Variants in TCTN1 observed in about 807,000 individuals in gnomAD.
TCTN1 encodes tectonic family member 1.
Under a neutral mutation model 65.8 loss-of-function variants are expected in TCTN1, and 58 were observed. The ratio of observed to expected loss-of-function variants is 0.88; its 90% CI spans 0.71 to 1.10. TCTN1 has a LOEUF of 1.10. TCTN1 is among the 50% of genes least tolerant of loss of function. TCTN1 has a pLI of 0.00. For missense variants in TCTN1, 645 were observed against 719.4 expected (o/e 0.90, Z 1.18); for synonymous variants, 273 against 289.1 (o/e 0.94, Z 0.57).
intron 2 of TCTN1, among the ~76,000 whole-genome samples, chr12:110,623,295 C>A (rs1230288459): frequency 6.6e-6 from 1 of 152,184 alleles, no homozygotes; most frequent in Non-Finnish European, 1.5e-5. Context: ...CCAGCCTTGG[C>A]CATTGCCGTT....
chr12:110,633,718 A>G (rs533677144), intron 5 of TCTN1, among the ~76,000 whole-genome samples: 3 of 152,116 alleles, frequency 2.0e-5, no homozygotes, highest in East Asian at 1.9e-4. Context: ...CTGAGATACC[A>G]TTTTCCCCTG....
chr12:110,627,696 C>G (rs2135993251), intron 3 of TCTN1: 8 of 432,356 alleles, frequency 1.9e-5, no homozygotes, highest in East Asian at 3.5e-5. Flanking sequence ...CCTGTGGTTT[C>G]TATTTCCTTT....
intron 7 of TCTN1, among the ~76,000 whole-genome samples, chr12:110,637,000 GGT>G (rs1461723631): frequency 1.3e-5 from 2 of 152,176 alleles, no homozygotes; most frequent in Non-Finnish European, 2.9e-5. Flanking sequence ...ACTTGATTGT[GGT>G]CAGGATGTCA....
chr12:110,648,024 T>C, intron 14 of TCTN1, 131 bp downstream of exon 14: 2 of 1,367,280 alleles, frequency 1.5e-6, no homozygotes, highest in Non-Finnish European at 2.0e-6. Flanking sequence ...CAGGCTGGAG[T>C]GCAGTGGTGT....
At chr12:110,642,484 G>C (rs1021729424) in intron 11 of TCTN1, 95 bp downstream of exon 11, 31 of 1,563,918 alleles carry the variant, frequency 2.0e-5, no homozygotes, top group Non-Finnish European at 2.7e-5. Flanking sequence ...TGCATCAGCT[G>C]ATGAGCTCAC....
At chr12:110,619,993 T>A (rs1226276527) in intron 2 of TCTN1, 37 bp downstream of exon 2, 9 of 1,614,034 alleles carry the variant, frequency 5.6e-6, no homozygotes, top group Non-Finnish European at 6.8e-6. Context: ...TTTGAAAAAA[T>A]TTGACCAGGA....
intron 11 of TCTN1, chr12:110,643,537 A>T (rs1426710213): frequency 6.6e-6 from 1 of 151,976 alleles, no homozygotes; most frequent in Non-Finnish European, 1.5e-5. Context: ...TTTTGGTTTT[A>T]TGAATTTTTT....
Position 110,639,971 on chromosome 12 carries a change from A to C in TCTN1, c.844-412A>C, listed in dbSNP as rs1273675179. Among the ~76,000 whole-genome samples, 1 of 152,146 alleles carries C rather than the reference A, an allele frequency of 6.6e-6. No homozygotes were observed. The highest frequency in any genetic ancestry group is 2.4e-5 in the African/African-American group (1 of 41,448). On this transcript the variant is annotated intron_variant, in intron 7 of 14. Coordinates refer to ENST00000397659, the MANE Select transcript of TCTN1 (RefSeq NM_001082538.3). The surrounding 1 kb of genome is among the most constrained non-coding windows in gnomAD (Gnocchi z 4.9). The stretch of plus-strand genomic sequence containing the variant: ...ATGACTTAGCATGTTTTTAAGATTC[A>C]TCTGTACTGTGGCATGTATTAGTAC...
intron 1 of TCTN1, among the ~76,000 whole-genome samples, chr12:110,618,304 G>A (rs915217079): frequency 2.0e-5 from 3 of 151,808 alleles, no homozygotes; most frequent in East Asian, 1.9e-4. Context: ...GCAGTGACGC[G>A]ATCTCGGCTC....
chr12:110,626,383 T>C lies in TCTN1; in HGVS notation c.363T>C (p.Ser121=), dbSNP rs368455886. ...PVVTGDSQFC[S]QKAVIYSLNF... Reference sequence around the variant, plus strand: ...TCAGGGGCGACAGCCAGTTTTGTAGTCAAAAAGCAGTCATCTATTCATTGA... The same window carrying C: ...TCAGGGGCGACAGCCAGTTTTGTAGCCAAAAAGCAGTCATCTATTCATTGA... Residue 121 remains serine (S), a synonymous_variant, in exon 3 of 15, where the codon AGT becomes AGC. Coordinates refer to ENST00000397659, the MANE Select transcript of TCTN1 (RefSeq NM_001082538.3). The C allele has an allele frequency of 1.3e-5, 20 of 1,592,506 alleles. No homozygotes were observed. The highest frequency in any genetic ancestry group is 1.7e-4 in the Middle Eastern group (1 of 6,026).
intron 4 of TCTN1, among the ~76,000 whole-genome samples, chr12:110,631,464 T>C (rs2066231356): frequency 2.0e-5 from 3 of 151,952 alleles, no homozygotes; most frequent in African/African-American, 4.8e-5. Context: ...TGAAACCCCA[T>C]GTCTACTAAA....
At chr12:110,636,417 A>T in intron 6 of TCTN1, 64 bp from the exon 7 acceptor site, 4 of 1,118,454 alleles carry the variant, frequency 3.6e-6, no homozygotes, top group Non-Finnish European at 5.4e-6. Context: ...AGATCTGAAA[A>T]AGCAATGAAA....
chr12:110,648,973 A>G (rs2067637664), intron 14 of TCTN1, 70 bp from the exon 15 acceptor site: 3 of 443,806 alleles, frequency 6.8e-6, no homozygotes, highest in African/African-American at 6.2e-5. Flanking sequence ...GCTATTTAGA[A>G]CAGCTTGAAA....
rs745980562 is a variant in TCTN1 at position 110,649,171 on chromosome 12, G to GTCCAGCT, written c.*131_*132insCCAGCTT. 1 of 680,744 alleles carries GTCCAGCT rather than the reference G, an allele frequency of 1.5e-6. No individual in the cohort carries two copies. The highest frequency in any genetic ancestry group is 1.6e-5 in the South Asian group (1 of 62,962). 42.2% of individuals were successfully genotyped at this position (680,744 alleles called of 1,614,324 possible). A position where few individuals can be genotyped will look rare whatever the true frequency, so the allele number is the denominator to read the frequency against. The stretch of plus-strand genomic sequence containing the variant: ...GCTCATTTTCAATTAAGGCTAAAGT[G>GTCCAGCT]TTCAACATGAGAAAATGTGATACAT... On this transcript the variant is annotated 3_prime_UTR_variant, in exon 15 of 15. Coordinates refer to ENST00000397659, the MANE Select transcript of TCTN1 (RefSeq NM_001082538.3).
intron 7 of TCTN1, among the ~76,000 whole-genome samples, chr12:110,638,716 G>T (rs1003678008): frequency 1.3e-5 from 2 of 152,188 alleles, no homozygotes; most frequent in Admixed American, 6.5e-5. Context: ...TTCGGTTTTT[G>T]CCAATTCCAC....
rs1420848253 is a variant in TCTN1, at chr12:110,647,780, T to G, written c.1667T>G (p.Ile556Ser). The G allele has an allele frequency of 6.2e-7, 1 of 1,614,228 alleles. No individual in the cohort carries two copies. Among genetic ancestry groups the G allele is most frequent in the African/African-American group, 1.3e-5 (1 of 75,056 alleles). Residue 556 changes from isoleucine to serine, a missense_variant, in exon 14 of 15, where the codon ATT becomes AGT. By Grantham distance (142) the Ile-to-Ser change is moderately radical. Coordinates refer to ENST00000397659, the MANE Select transcript of TCTN1 (RefSeq NM_001082538.3). ...ANSGNERTIL[I>S]STAVTFVDVS... ...TCAGGAAATGAAAGGACGATTCTTA[T>G]TTCCACTGCGGTTACTTTTGTGGAT...
rs926220292 is a variant in TCTN1, at chr12:110,644,129, G to A, written c.1332-838G>A. On this transcript the variant is annotated intron_variant, in intron 11 of 14. Transcript: ENST00000397659. This position sits in a 1 kb window ranked among gnomAD's most constrained non-coding sequence, Gnocchi z 4.6. ...AAAGTTAAAACAATGGTTCCTTCCT[G>A]TATTACTCATCAGAGCCTTTAATAG... 1.3e-5 allele frequency: 2 copies of A among 152,220 alleles called. No individual in the cohort carries two copies. Among genetic ancestry groups the A allele is most frequent in the African/African-American group, 4.8e-5 (2 of 41,452 alleles). 9.4% of individuals were successfully genotyped at this position (152,220 alleles called of 1,614,324 possible).
At chr12:110,615,353 C>T (rs1352720851) in intron 1 of TCTN1, among the ~76,000 whole-genome samples, 1 of 152,106 alleles carries the variant, frequency 6.6e-6, no homozygotes, top group Non-Finnish European at 1.5e-5. Context: ...TATGCCTTTT[C>T]CTGAGATGAG....
At chr12:110,614,974 A>G (rs1270662151) in intron 1 of TCTN1, among the ~76,000 whole-genome samples, 1 of 152,200 alleles carries the variant, frequency 6.6e-6, no homozygotes, top group Non-Finnish European at 1.5e-5. Context: ...AGAATTACAC[A>G]TTTAGTGGAA....
Sources: allele counts gnomAD v4.1 joint callset (sites outside exome capture counted in the v4.1 genomes callset), GRCh38; gene constraint gnomAD v4.1.1; non-coding constraint Gnocchi (gnomAD v3.1); transcripts MANE v1.5; gene names NCBI Gene and HGNC (gene_info 2026-07-23, HGNC 2026-07-21).